The following SCEL variants were observed in gnomAD, a reference collection of about 807,000 sequenced individuals.
SCEL encodes sciellin.
A neutral mutation model predicts 117.6 loss-of-function variants in SCEL; 113 were observed. The ratio of observed to expected loss-of-function variants is 0.96; its 90% CI spans 0.83 to 1.12. The LOEUF (loss-of-function observed/expected upper bound fraction) is 1.12. Among genes scored for constraint, SCEL ranks in the 50% most tolerant of loss-of-function variants. The pLI, the probability that SCEL is intolerant of heterozygous loss-of-function variation, is 0.00. For missense variants in SCEL, 785 were observed against 810.8 expected (o/e 0.97, Z 0.39); for synonymous variants, 270 against 256.2 (o/e 1.05, Z -0.51).
At chr13:77,640,635 T>C (rs757570740) in intron 30 of SCEL, 41 bp from the exon 31 acceptor site, 7 of 1,082,126 alleles carry the variant, frequency 6.5e-6, no homozygotes, top group Non-Finnish European at 9.6e-6. Context: ...CTGTCTTCTG[T>C]ATTATGGCAA....
In SCEL at chr13:77,569,711, G is replaced by A. The variant is rs368295296; in HGVS notation, c.479+260G>A. Among the ~76,000 whole-genome samples, 18 of 152,306 alleles carry A rather than the reference G, an allele frequency of 1.2e-4. No individual in the cohort carries two copies. In the East Asian group the frequency reaches 3.5e-3, roughly 29 times the overall value. On this transcript the variant is annotated intron_variant, in intron 8 of 32. Coordinates refer to ENST00000349847, the MANE Select transcript of SCEL (RefSeq NM_144777.3). ...TACTTGAGGTAGCATGTTTCATGGAGTCCTGCTGCTGGGAATGCCTTAACC... is the reference window on the plus strand; with the variant it reads ...TACTTGAGGTAGCATGTTTCATGGAATCCTGCTGCTGGGAATGCCTTAACC...
At chr13:77,617,939 T>G in intron 26 of SCEL, 65 bp from the exon 27 acceptor site, 2 of 1,584,302 alleles carry the variant, frequency 1.3e-6, no homozygotes, top group Non-Finnish European at 1.7e-6. Flanking sequence ...TGTTGCTTTA[T>G]TGACCTAGCA....
At chr13:77,599,928 C>G (rs946324704) in intron 15 of SCEL, 180 bp downstream of exon 15, 5 of 570,064 alleles carry the variant, frequency 8.8e-6, no homozygotes, top group Non-Finnish European at 1.6e-5. Flanking sequence ...CTGGGTGACC[C>G]TGGGCAAGTT....
chr13:77,554,974 C>T lies in SCEL; in HGVS notation c.-19-883C>T, dbSNP rs1365589293. On this transcript the variant is annotated intron_variant, in intron 1 of 32. Coordinates refer to ENST00000349847, the MANE Select transcript of SCEL (RefSeq NM_144777.3). ...AGAGCTAACTAAGGCACACAAAGGC[C>T]CCCAATATATTTATGATCCACAAAA... 2.0e-5 allele frequency among the ~76,000 whole-genome samples: 3 copies of T among 152,104 alleles called. No individual in the cohort carries two copies. The East Asian group carries it at 5.8e-4, about 29-fold the overall frequency.
chr13:77,542,168 C>T (rs563337098), intron 1 of SCEL, among the ~76,000 whole-genome samples: 27 of 152,136 alleles, frequency 1.8e-4, no homozygotes, highest in Admixed American at 1.0e-3. Flanking sequence ...AGAATCAGGC[C>T]GAGGCAGGCG....
intron 15 of SCEL, among the ~76,000 whole-genome samples, chr13:77,600,525 C>T (rs1016922517): frequency 6.6e-6 from 1 of 151,992 alleles, no homozygotes. Flanking sequence ...TTTGTAAATA[C>T]CTTTAAATGA....
At chr13:77,599,874 G>C (rs2087532001) in intron 15 of SCEL, 126 bp downstream of exon 15, 1 of 688,112 alleles carries the variant, frequency 1.5e-6, no homozygotes, top group Admixed American at 2.3e-5. Flanking sequence ...CTGGGGTCCA[G>C]GGATAGTGTG....
intron 28 of SCEL, among the ~76,000 whole-genome samples, chr13:77,629,055 G>A (rs374848259): frequency 1.2e-4 from 19 of 152,152 alleles, no homozygotes; most frequent in African/African-American, 4.1e-4. Flanking sequence ...AAATTATTAC[G>A]TAAAATTAAG....
At chr13:77,599,299 T>C (rs1352644498) in intron 13 of SCEL, 30 bp from the exon 14 acceptor site, 1 of 1,550,520 alleles carries the variant, frequency 6.4e-7, no homozygotes. Context: ...TTATCACTGA[T>C]GAGGCTTTTT....
intron 9 of SCEL, among the ~76,000 whole-genome samples, chr13:77,588,330 C>A (rs778718481): frequency 2.1e-4 from 32 of 152,136 alleles, no homozygotes; most frequent in Non-Finnish European, 3.7e-4. Context: ...ATTCAGGCAG[C>A]CTGACTCTAG....
At position 77,599,286 on chromosome 13, in the gene SCEL, T is replaced by C. The variant is rs767790186; in HGVS notation, c.798-43T>C. The C allele has an allele frequency of 3.5e-6, 5 of 1,417,514 alleles. No individual in the cohort carries two copies. The East Asian group carries it at 1.1e-4, about 32-fold the overall frequency. 87.8% of individuals were successfully genotyped at this position (1,417,514 alleles called of 1,614,324 possible). Reference sequence around the variant, plus strand: ...ATGTTCTTATAGAGTTAAGCATTGGTCATTATCACTGATGAGGCTTTTTTA... The same window carrying C: ...ATGTTCTTATAGAGTTAAGCATTGGCCATTATCACTGATGAGGCTTTTTTA... On this transcript the variant is annotated intron_variant, in intron 13 of 32. Transcript: ENST00000349847.
intron 28 of SCEL, among the ~76,000 whole-genome samples, chr13:77,632,943 C>T (rs1348892758): frequency 1.3e-5 from 2 of 152,170 alleles, no homozygotes; most frequent in African/African-American, 2.4e-5. Context: ...ATATATTGTA[C>T]ATGGGAAGCT....
rs1173279420 is a variant in SCEL at position 77,563,671 on chromosome 13, A to G, written c.222-160A>G. ...GATTTTCCATAATTTATTCTATCCA[A>G]GTTGGAAGATTTGGGTATTAGAAAT... On this transcript the variant is annotated intron_variant, in intron 4 of 32. Coordinates refer to ENST00000349847, the MANE Select transcript of SCEL (RefSeq NM_144777.3). Among the ~76,000 whole-genome samples, 3 of 152,322 alleles carry G rather than the reference A, an allele frequency of 2.0e-5. No homozygotes were observed. In the East Asian group the frequency reaches 5.8e-4, roughly 29 times the overall value.
chr13:77,640,862 C>T (rs964725825), intron 31 of SCEL, 78 bp downstream of exon 31: 12 of 731,820 alleles, frequency 1.6e-5, no homozygotes, highest in Non-Finnish European at 2.6e-5. Flanking sequence ...TAATGTAATA[C>T]ATGAGATGAA....
At chr13:77,622,614 T>A (rs930968079) in intron 27 of SCEL, among the ~76,000 whole-genome samples, 1 of 152,162 alleles carries the variant, frequency 6.6e-6, no homozygotes, top group Non-Finnish European at 1.5e-5. Context: ...GTAATTCTGG[T>A]ACTTTGGGAG....
At chr13:77,565,866 G>T (rs1253636136) in intron 5 of SCEL, among the ~76,000 whole-genome samples, 2 of 152,162 alleles carry the variant, frequency 1.3e-5, no homozygotes, top group Non-Finnish European at 2.9e-5. Flanking sequence ...GCCCTCTAGT[G>T]CTCCATTGTG....
At chr13:77,566,135 G>A (rs2154396990) in intron 5 of SCEL, among the ~76,000 whole-genome samples, 1 of 152,228 alleles carries the variant, frequency 6.6e-6, no homozygotes, top group South Asian at 2.1e-4. Context: ...GACTATGAGA[G>A]GTGACTAAAG....
intron 1 of SCEL, among the ~76,000 whole-genome samples, chr13:77,544,954 A>G (rs920966309): frequency 1.3e-5 from 2 of 152,230 alleles, no homozygotes; most frequent in Non-Finnish European, 2.9e-5. Context: ...AGAGGAAATG[A>G]AAGATGGGCC....
chr13:77,554,110 G>T (rs1021709298), intron 1 of SCEL, among the ~76,000 whole-genome samples: 1 of 152,198 alleles, frequency 6.6e-6, no homozygotes, highest in Non-Finnish European at 1.5e-5. Flanking sequence ...TTCAGGAGAA[G>T]GGAGTGAGGC....
Sources: allele counts gnomAD v4.1 joint callset (sites outside exome capture counted in the v4.1 genomes callset), GRCh38; gene constraint gnomAD v4.1.1; transcripts MANE v1.5; gene names NCBI Gene and HGNC (gene_info 2026-07-23, HGNC 2026-07-21).